The following OR9Q1 variants were observed in gnomAD, a reference collection of about 807,000 sequenced individuals.
OR9Q1 encodes olfactory receptor 9Q1.
For synonymous variants in OR9Q1, 153 were observed against 148.6 expected (o/e 1.03, Z -0.22); for missense variants, 374 against 378.8 (o/e 0.99, Z 0.11).
chr11:58,087,663 G>C (rs970191147), intron 2 of OR9Q1, among the ~76,000 whole-genome samples: 1 of 151,750 alleles, frequency 6.6e-6, no homozygotes, highest in African/African-American at 2.4e-5. Flanking sequence ...TCGTCATCTA[G>C]ATTTTAAGCC....
intron 2 of OR9Q1, among the ~76,000 whole-genome samples, chr11:58,147,778 A>G (rs1342392325): frequency 1.3e-5 from 2 of 152,224 alleles, no homozygotes; most frequent in Non-Finnish European, 2.9e-5. Context: ...ATGAATAAAA[A>G]CATTCATAAA....
chr11:58,048,402 C>T lies in OR9Q1; in HGVS notation c.-92-7468C>T, dbSNP rs564521609. ...ATATCAATTAGGCTGGCCATGGTGG[C>T]TCACGCCTGTAATCCCAGCACTTTA... On this transcript the variant is annotated intron_variant, in intron 1 of 2. Coordinates refer to ENST00000335397, the MANE Select transcript of OR9Q1 (RefSeq NM_001005212.4). Among the ~76,000 whole-genome samples, 4 of 151,682 alleles carry T rather than the reference C, an allele frequency of 2.6e-5. 1 individual carries two copies. The South Asian group carries it at 8.4e-4, about 32-fold the overall frequency.
chr11:58,129,075 T>C (rs1482269027), intron 2 of OR9Q1, among the ~76,000 whole-genome samples: 2 of 152,148 alleles, frequency 1.3e-5, no homozygotes, highest in Non-Finnish European at 2.9e-5. Context: ...CAGCACAGAT[T>C]TATTTCTTGC....
At chr11:58,037,653 CTATATATATATATATATA>C (rs1248262165) in intron 1 of OR9Q1, among the ~76,000 whole-genome samples, 3 of 37,430 alleles carry the variant, frequency 8.0e-5, no homozygotes, top group Admixed American at 4.4e-4. Context: ...TAAAGAATAA[CTATATATATATATATATA>C]TATATATATA....
At chr11:58,024,353 GT>G (rs35126252) in intron 1 of OR9Q1, among the ~76,000 whole-genome samples, 3 of 150,718 alleles carry the variant, frequency 2.0e-5, no homozygotes, top group South Asian at 4.2e-4. Flanking sequence ...TTTGTTGGCT[GT>G]TTTTTTTTGA....
intron 2 of OR9Q1, among the ~76,000 whole-genome samples, chr11:58,131,196 C>A (rs1285256564): frequency 2.6e-5 from 4 of 152,096 alleles, no homozygotes; most frequent in Non-Finnish European, 4.4e-5. Context: ...CAAACTCAGA[C>A]CTCCACAAAG....
At chr11:58,103,803 T>C (rs1476341180) in intron 2 of OR9Q1, among the ~76,000 whole-genome samples, 2 of 152,214 alleles carry the variant, frequency 1.3e-5, no homozygotes, top group Non-Finnish European at 2.9e-5. Context: ...CAGAGTGCAT[T>C]GGCTTTTATT....
At chr11:58,068,503 A>G (rs1413433042) in intron 2 of OR9Q1, among the ~76,000 whole-genome samples, 2 of 152,196 alleles carry the variant, frequency 1.3e-5, no homozygotes, top group Non-Finnish European at 2.9e-5. Context: ...TCGTCTTAGC[A>G]TGAACCCTCA....
intron 2 of OR9Q1, among the ~76,000 whole-genome samples, chr11:58,060,833 C>G (rs966311591): frequency 1.3e-5 from 2 of 151,514 alleles, no homozygotes; most frequent in Non-Finnish European, 2.9e-5. Flanking sequence ...GAACAAAACA[C>G]AGTGTGGCCT....
chr11:58,031,353 T>C (rs1853033249), intron 1 of OR9Q1: 1 of 1,614,218 alleles, frequency 6.2e-7, no homozygotes, highest in Non-Finnish European at 8.5e-7. Context: ...TGTATGCCTC[T>C]CCACTATGGG....
chr11:58,169,022 TCAGA>T lies in OR9Q1; in HGVS notation c.-14-10406_-14-10403del, dbSNP rs146841882. Among the ~76,000 whole-genome samples, 840 of 152,320 alleles carry T rather than the reference TCAGA, an allele frequency of 5.5e-3. 5 individuals are homozygous for T. The highest frequency in any genetic ancestry group is 0.014 in the African/African-American group (569 of 41,576). On this transcript the variant is annotated intron_variant, in intron 2 of 2. Coordinates refer to ENST00000335397, the MANE Select transcript of OR9Q1 (RefSeq NM_001005212.4). ...AATTTCTGTATGCCTTATATTGTGGTCAGACAATGTGTCTTGTATGATTAACACA... is the reference window on the plus strand; with the variant it reads ...AATTTCTGTATGCCTTATATTGTGGTCAATGTGTCTTGTATGATTAACACA...
chr11:58,034,942 C>A (rs758101857), intron 1 of OR9Q1, among the ~76,000 whole-genome samples: 1 of 151,640 alleles, frequency 6.6e-6, no homozygotes, highest in Non-Finnish European at 1.5e-5. Context: ...ATCCTGCCAC[C>A]TCGGCCTCCT....
chr11:58,117,356 G>C (rs1853966152), intron 2 of OR9Q1: 1 of 152,100 alleles, frequency 6.6e-6, no homozygotes, highest in African/African-American at 2.4e-5. Flanking sequence ...CTTGTCTACT[G>C]CTGTATACTC....
intron 2 of OR9Q1, among the ~76,000 whole-genome samples, chr11:58,069,041 C>T (rs553342107): frequency 3.3e-5 from 5 of 152,232 alleles, no homozygotes; most frequent in Admixed American, 2.6e-4. Flanking sequence ...GGACTGTCTC[C>T]GCCTGTGAGT....
chr11:58,130,045 G>T (rs189919835), intron 2 of OR9Q1, among the ~76,000 whole-genome samples: 5 of 152,022 alleles, frequency 3.3e-5, no homozygotes, highest in Non-Finnish European at 4.4e-5. Flanking sequence ...TTTAAGCCCC[G>T]CATGCATTAG....
chr11:58,141,907 A>C (rs1854253431), intron 2 of OR9Q1, among the ~76,000 whole-genome samples: 1 of 152,168 alleles, frequency 6.6e-6, no homozygotes, highest in Non-Finnish European at 1.5e-5. Context: ...CAGAAGGCTA[A>C]CACTTCTGAA....
At chr11:58,165,817 C>T (rs1854495448) in intron 2 of OR9Q1, among the ~76,000 whole-genome samples, 1 of 152,202 alleles carries the variant, frequency 6.6e-6, no homozygotes, top group Non-Finnish European at 1.5e-5. Context: ...CCAAGTACCT[C>T]AGTGAGCATA....
At chr11:58,159,859 A>G (rs77067478) in intron 2 of OR9Q1, among the ~76,000 whole-genome samples, 135 of 152,322 alleles carry the variant, frequency 8.9e-4, no homozygotes, top group African/African-American at 2.9e-3. Context: ...ATCCCATCCA[A>G]TGTTCTCTTC....
At chr11:58,172,009 C>T (rs1374050512) in intron 2 of OR9Q1, among the ~76,000 whole-genome samples, 2 of 152,070 alleles carry the variant, frequency 1.3e-5, no homozygotes, top group Non-Finnish European at 2.9e-5. Flanking sequence ...AGGCTAACAT[C>T]CTTAGAACAT....
Sources: allele counts gnomAD v4.1 joint callset (sites outside exome capture counted in the v4.1 genomes callset), GRCh38; gene constraint gnomAD v4.1.1; transcripts MANE v1.5; gene names NCBI Gene and HGNC (gene_info 2026-07-23, HGNC 2026-07-21).